Variants in NOPCHAP1 observed in about 807,000 individuals in gnomAD.
The protein encoded by NOPCHAP1 is DNA damage-sensitive RNA 1.
Under a neutral mutation model 14.0 loss-of-function variants are expected in NOPCHAP1, and 13 were observed. That is an observed-to-expected ratio of 0.93 (90% CI 0.60 to 1.47). The LOEUF (loss-of-function observed/expected upper bound fraction) is 1.47, where lower values mean the gene tolerates loss of function less well. NOPCHAP1 is among the 40% of genes most tolerant of loss of function. NOPCHAP1 has a pLI of 0.00. For synonymous variants in NOPCHAP1, 78 were observed against 78.4 expected (o/e 1.00, Z 0.03); for missense variants, 230 against 226.9 (o/e 1.01, Z -0.09).
At position 105,009,006 on chromosome 12, in the gene NOPCHAP1, C is replaced by A. The variant is rs1012150628; in HGVS notation, c.*14310C>A. 2 of 152,120 alleles carry A rather than the reference C, an allele frequency of 1.3e-5. No individual in the cohort carries two copies. The highest frequency in any genetic ancestry group is 4.8e-5 in the African/African-American group (2 of 41,426). The allele number at this position is 152,120 out of a possible 1,614,324, so 9.4% of individuals were successfully genotyped here. On this transcript the variant is annotated 3_prime_UTR_variant, in exon 4 of 4. Coordinates refer to ENST00000552951, the MANE Select transcript of NOPCHAP1 (RefSeq NM_152318.3). Reference sequence around the variant, plus strand: ...CATATGAAATTTAAAGTAGTTTTTTCTAATTCTGTGAAGAAAGTCAATGGT... The same window carrying A: ...CATATGAAATTTAAAGTAGTTTTTTATAATTCTGTGAAGAAAGTCAATGGT...
rs1350211475 is a variant in NOPCHAP1, at chr12:105,010,065, T to C, written c.*15369T>C. Reference sequence around the variant, plus strand: ...TACCAGCTCCTTTTTGTATCTCTGATAGAATTCTGCTGTGAATCCTTCAGG... The same window carrying C: ...TACCAGCTCCTTTTTGTATCTCTGACAGAATTCTGCTGTGAATCCTTCAGG... On this transcript the variant is annotated 3_prime_UTR_variant, in exon 4 of 4. Coordinates refer to ENST00000552951, the MANE Select transcript of NOPCHAP1 (RefSeq NM_152318.3). The C allele has an allele frequency of 6.6e-6, 1 of 152,238 alleles. No homozygotes were observed. Among genetic ancestry groups the C allele is most frequent in the East Asian group, 1.9e-4 (1 of 5,208 alleles). 9.4% of individuals were successfully genotyped at this position (152,238 alleles called of 1,614,324 possible). A position where few individuals can be genotyped will look rare whatever the true frequency, so the allele number is the denominator to read the frequency against.
At chr12:104,990,021 C>A (rs1326265058) in intron 2 of NOPCHAP1, among the ~76,000 whole-genome samples, 2 of 152,078 alleles carry the variant, frequency 1.3e-5, no homozygotes, top group African/African-American at 4.8e-5. Flanking sequence ...TTTCTAAGAG[C>A]TGTTTTAACA....
rs548987873 is a variant in NOPCHAP1 at position 104,994,758 on chromosome 12, G to A, written c.*62G>A. 3.5e-6 allele frequency: 5 copies of A among 1,415,824 alleles called. No individual in the cohort carries two copies. The highest frequency in any genetic ancestry group is 4.5e-5 in the East Asian group (2 of 43,980). 87.7% of individuals were successfully genotyped at this position (1,415,824 alleles called of 1,614,324 possible). A position where few individuals can be genotyped will look rare whatever the true frequency, so the allele number is the denominator to read the frequency against. ...GTCTGCAAATTCTGTGAAAAAGAATGTGATTCACGGGTTCTTTTGCTTTTC... is the reference window on the plus strand; with the variant it reads ...GTCTGCAAATTCTGTGAAAAAGAATATGATTCACGGGTTCTTTTGCTTTTC... On this transcript the variant is annotated 3_prime_UTR_variant, in exon 4 of 4. Coordinates refer to ENST00000552951, the MANE Select transcript of NOPCHAP1 (RefSeq NM_152318.3).
At chr12:104,992,377 T>C (rs1005424637) in intron 3 of NOPCHAP1, among the ~76,000 whole-genome samples, 1 of 152,206 alleles carries the variant, frequency 6.6e-6, no homozygotes, top group Non-Finnish European at 1.5e-5. Context: ...TTGTACAACC[T>C]CTGCAGTTCC....
Position 105,006,994 on chromosome 12 carries a change from G to A in NOPCHAP1, c.*12298G>A, listed in dbSNP as rs577338524. ...CCTGGGAACTTGGCTGGTGCCTCTT[G>A]GTCAGCAGAAGCTGTTTCTTCTATT... is the stretch of plus-strand genomic sequence containing the variant. On this transcript the variant is annotated 3_prime_UTR_variant, in exon 4 of 4. Coordinates refer to ENST00000552951, the MANE Select transcript of NOPCHAP1 (RefSeq NM_152318.3). 3.3e-5 allele frequency: 5 copies of A among 149,924 alleles called. No homozygotes were observed. The South Asian group carries it at 1.1e-3, about 32-fold the overall frequency. 9.3% of individuals were successfully genotyped at this position (149,924 alleles called of 1,614,324 possible).
In NOPCHAP1 at chr12:104,997,879, G is replaced by A. The variant is rs375408667; in HGVS notation, c.*3183G>A. 1 of 152,110 alleles carries A rather than the reference G, an allele frequency of 6.6e-6. No homozygotes were observed. The highest frequency in any genetic ancestry group is 2.4e-5 in the African/African-American group (1 of 41,408). 9.4% of individuals were successfully genotyped at this position (152,110 alleles called of 1,614,324 possible). On this transcript the variant is annotated 3_prime_UTR_variant, in exon 4 of 4. Transcript: ENST00000552951. ...TCTTTTCATAATCCCATATTTCTCG[G>A]AAGTTTTGTCCATTCTTTATTGTTT...
chr12:104,988,423 C>T (rs765290684), intron 2 of NOPCHAP1, among the ~76,000 whole-genome samples, 170 bp downstream of exon 2: 4 of 152,158 alleles, frequency 2.6e-5, no homozygotes, highest in Non-Finnish European at 4.4e-5. Flanking sequence ...GAACTTCTTA[C>T]ATTATTTCTC....
rs1873562038 is a variant in NOPCHAP1, at chr12:104,999,266, A to C, written c.*4570A>C. ...TGCCAGCGTCTGCAGGCAAGGTGCCATGGGGGAGTCTGCAGTGGGAGGAGA... is the reference window on the plus strand; with the variant it reads ...TGCCAGCGTCTGCAGGCAAGGTGCCCTGGGGGAGTCTGCAGTGGGAGGAGA... On this transcript the variant is annotated 3_prime_UTR_variant, in exon 4 of 4. Coordinates refer to ENST00000552951, the MANE Select transcript of NOPCHAP1 (RefSeq NM_152318.3). 6.5e-6 allele frequency: 1 copy of C among 152,734 alleles called. No individual in the cohort carries two copies. Among genetic ancestry groups the C allele is most frequent in the South Asian group, 2.1e-4 (1 of 4,830 alleles). The allele number at this position is 152,734 out of a possible 1,614,324, so 9.5% of individuals were successfully genotyped here. A position where few individuals can be genotyped will look rare whatever the true frequency, so the allele number is the denominator to read the frequency against.
rs1873576160 is a variant in NOPCHAP1 at position 104,999,902 on chromosome 12, C to T, written c.*5206C>T. 6.6e-6 allele frequency: 1 copy of T among 152,272 alleles called. No individual in the cohort carries two copies. Among genetic ancestry groups the T allele is most frequent in the African/African-American group, 2.4e-5 (1 of 41,448 alleles). 9.4% of individuals were successfully genotyped at this position (152,272 alleles called of 1,614,324 possible). A position where few individuals can be genotyped will look rare whatever the true frequency, so the allele number is the denominator to read the frequency against. On this transcript the variant is annotated 3_prime_UTR_variant, in exon 4 of 4. Transcript: ENST00000552951. ...CTTCAGCCCAGCATCTGTGTCTTCC[C>T]TTCATCCACTCTCAGTGCCCTCCCT...
At position 105,016,707 on chromosome 12, in the gene NOPCHAP1, T is replaced by G. The variant is rs1430491545; in HGVS notation, c.*22011T>G. ...CATAGGAAAGACCCGCCCCGATGAT[T>G]CAGTTACCTCCCACCAGGTCCCTCC... On this transcript the variant is annotated 3_prime_UTR_variant, in exon 4 of 4. Transcript: ENST00000552951. The G allele has an allele frequency of 6.6e-6, 1 of 152,200 alleles. No individual in the cohort carries two copies. Among genetic ancestry groups the G allele is most frequent in the African/African-American group, 2.4e-5 (1 of 41,448 alleles). The allele number at this position is 152,200 out of a possible 1,614,324, so 9.4% of individuals were successfully genotyped here. A position where few individuals can be genotyped will look rare whatever the true frequency, so the allele number is the denominator to read the frequency against.
chr12:105,002,988 T>C lies in NOPCHAP1; in HGVS notation c.*8292T>C, dbSNP rs1054244608. ...CAAAAAGGTTATTAGACTCAGAGTATTGAGGTAAAGATGGGTAAAGAGAAA... is the reference window on the plus strand; with the variant it reads ...CAAAAAGGTTATTAGACTCAGAGTACTGAGGTAAAGATGGGTAAAGAGAAA... On this transcript the variant is annotated 3_prime_UTR_variant, in exon 4 of 4. Coordinates refer to ENST00000552951, the MANE Select transcript of NOPCHAP1 (RefSeq NM_152318.3). 1.3e-5 allele frequency: 2 copies of C among 152,174 alleles called. No homozygotes were observed. Among genetic ancestry groups the C allele is most frequent in the Admixed American group, 6.5e-5 (1 of 15,276 alleles). The allele number at this position is 152,174 out of a possible 1,614,324, so 9.4% of individuals were successfully genotyped here. A position where few individuals can be genotyped will look rare whatever the true frequency, so the allele number is the denominator to read the frequency against.
chr12:104,989,196 A>G (rs530327660), intron 2 of NOPCHAP1, among the ~76,000 whole-genome samples: 1 of 152,316 alleles, frequency 6.6e-6, no homozygotes, highest in East Asian at 1.9e-4. Flanking sequence ...AATGTTGAGC[A>G]TCTTTTCATG....
Position 105,010,138 on chromosome 12 carries a change from C to T in NOPCHAP1, c.*15442C>T, listed in dbSNP as rs1258306839. The T allele has an allele frequency of 6.6e-6, 1 of 152,136 alleles. No homozygotes were observed. The highest frequency in any genetic ancestry group is 2.4e-5 in the African/African-American group (1 of 41,430). 9.4% of individuals were successfully genotyped at this position (152,136 alleles called of 1,614,324 possible). ...AGTCTATTAGTTACTGCCTCAATTTCAGAACTTGTTATTGGTCTATTCAGG... is the reference window on the plus strand; with the variant it reads ...AGTCTATTAGTTACTGCCTCAATTTTAGAACTTGTTATTGGTCTATTCAGG... On this transcript the variant is annotated 3_prime_UTR_variant, in exon 4 of 4. Coordinates refer to ENST00000552951, the MANE Select transcript of NOPCHAP1 (RefSeq NM_152318.3).
Position 105,010,545 on chromosome 12 carries a change from C to G in NOPCHAP1, c.*15849C>G, listed in dbSNP as rs939349978. 15 of 152,186 alleles carry G rather than the reference C, an allele frequency of 9.9e-5. No homozygotes were observed. Among genetic ancestry groups the G allele is most frequent in the African/African-American group, 2.9e-4 (12 of 41,442 alleles). The allele number at this position is 152,186 out of a possible 1,614,324, so 9.4% of individuals were successfully genotyped here. A position where few individuals can be genotyped will look rare whatever the true frequency, so the allele number is the denominator to read the frequency against. On this transcript the variant is annotated 3_prime_UTR_variant, in exon 4 of 4. Transcript: ENST00000552951. ...TTTGAATTTGCTTGCTCTCGCTTCT[C>G]TGGTTCTTTTAATTGTGATGTTAGA...
At position 105,007,223 on chromosome 12, in the gene NOPCHAP1, A is replaced by G. The variant is rs898402316; in HGVS notation, c.*12527A>G. The stretch of plus-strand genomic sequence containing the variant: ...TACCCACATAAAAGCTGCATTTTCA[A>G]TAGGAAATAAAAATGTATTTCACAA... On this transcript the variant is annotated 3_prime_UTR_variant, in exon 4 of 4. Transcript: ENST00000552951. 2.0e-5 allele frequency: 3 copies of G among 152,270 alleles called. No individual in the cohort carries two copies. The highest frequency in any genetic ancestry group is 4.4e-5 in the Non-Finnish European group (3 of 68,016). The allele number at this position is 152,270 out of a possible 1,614,324, so 9.4% of individuals were successfully genotyped here.
chr12:105,009,466 G>A lies in NOPCHAP1; in HGVS notation c.*14770G>A, dbSNP rs961813630. On this transcript the variant is annotated 3_prime_UTR_variant, in exon 4 of 4. Transcript: ENST00000552951. ...TTTATACCCTTTATTTCTTTCTCTT[G>A]CCTGCTTGCCCTGACCAGAACTTCC... is the stretch of plus-strand genomic sequence containing the variant. 13 of 151,974 alleles carry A rather than the reference G, an allele frequency of 8.6e-5. No individual in the cohort carries two copies. Among genetic ancestry groups the A allele is most frequent in the African/African-American group, 3.1e-4 (13 of 41,352 alleles). 9.4% of individuals were successfully genotyped at this position (151,974 alleles called of 1,614,324 possible). A position where few individuals can be genotyped will look rare whatever the true frequency, so the allele number is the denominator to read the frequency against.
rs562914770 is a variant in NOPCHAP1 at position 104,989,138 on chromosome 12, G to A, written c.202+885G>A. 5.3e-5 allele frequency among the ~76,000 whole-genome samples: 8 copies of A among 152,180 alleles called. No individual in the cohort carries two copies. In the South Asian group the frequency reaches 1.7e-3, roughly 32 times the overall value. ...TTTTAATTTTAGCTGTTCTAGTGTG[G>A]ATATAGTGGTATCGCGTTGTGATCT... On this transcript the variant is annotated intron_variant, in intron 2 of 3. Transcript: ENST00000552951.
chr12:104,988,012 G>T (rs368056041), intron 1 of NOPCHAP1, among the ~76,000 whole-genome samples, 155 bp from the exon 2 acceptor site: 1 of 152,312 alleles, frequency 6.6e-6, no homozygotes, highest in African/African-American at 2.4e-5. Flanking sequence ...GAATTAAAAT[G>T]TTGTAATGGA....
intron 3 of NOPCHAP1, 61 bp from the exon 4 acceptor site, chr12:104,994,417 T>TTTA (rs1873449479): frequency 7.0e-7 from 1 of 1,421,480 alleles, no homozygotes; most frequent in African/African-American, 1.4e-5. Flanking sequence ...CCAATATTGT[T>TTTA]TTATTACGAC....
Sources: allele counts gnomAD v4.1 joint callset (sites outside exome capture counted in the v4.1 genomes callset), GRCh38; gene constraint gnomAD v4.1.1; transcripts MANE v1.5; gene names NCBI Gene and HGNC (gene_info 2026-07-23, HGNC 2026-07-21).